Variants in FKBP8 observed in about 807,000 individuals in gnomAD.
The protein encoded by FKBP8 is peptidyl-prolyl cis-trans isomerase FKBP8.
A neutral mutation model predicts 41.7 loss-of-function variants in FKBP8; 5 were observed. The observed-to-expected ratio is 0.12, with a 90% CI of 0.06 to 0.25. The LOEUF (loss-of-function observed/expected upper bound fraction) is 0.25, where lower values mean the gene tolerates loss of function less well. FKBP8 is among the 10% of genes least tolerant of loss of function. The probability of loss-of-function intolerance (pLI) is 1.00; values close to 1 mark genes in which losing one functional copy is unlikely to be tolerated. For missense variants in FKBP8, 397 were observed against 563.0 expected (o/e 0.71, Z 2.98); for synonymous variants, 279 against 254.5 (o/e 1.10, Z -0.92).
rs543806511 is a variant in FKBP8 at position 18,541,963 on chromosome 19, G to A, written c.8C>T (p.Ser3Leu). The change falls in exon 2 of 9, where the codon TCG becomes TTG. Residue 3 changes from serine (S) to leucine (L), a missense_variant. By Grantham distance (145) the Ser-to-Leu change is moderately radical. This residue lies in a region of FKBP8 where 172 missense variants were observed against 196.2 expected (regional missense o/e 0.88). Transcript: ENST00000608443. MASCAEPSEPSAP... is the reference protein window; with the variant it reads MALCAEPSEPSAP... The stretch of plus-strand genomic sequence containing the variant: ...AGAGGGCTCAGAGGGTTCAGCACAC[G>A]ATGCCATGCTGCTGGGGGGACAGGA... 60 of 1,613,178 alleles carry A rather than the reference G, an allele frequency of 3.7e-5. No individual in the cohort carries two copies. The Admixed American group carries it at 5.2e-4, about 14-fold the overall frequency.
rs1976653971 is a variant in FKBP8 at position 18,539,568 on chromosome 19, C to T, written c.445G>A (p.Asp149Asn). 1 of 1,613,060 alleles carries T rather than the reference C, an allele frequency of 6.2e-7. No homozygotes were observed. The highest frequency in any genetic ancestry group is 1.7e-5 in the Admixed American group (1 of 60,004). ...GCCCGCACCTGGATGACGTCACAGT[C>T]ACCCAGAGTGAACACCAGCTCCGGC... ...EEPELVFTLG[D>N]CDVIQALDLS... Residue 149 changes from aspartate to asparagine, a missense_variant, in exon 3 of 9, where the codon GAC becomes AAC. Physicochemically the swap from Asp to Asn is conservative, Grantham distance 23. Transcript: ENST00000608443.
intron 1 of FKBP8, chr19:18,542,626 T>C: frequency 3.9e-6 from 1 of 253,534 alleles, no homozygotes; most frequent in Non-Finnish European, 7.9e-6. Context: ...AATCTAACAC[T>C]ATCCCCCACA....
chr19:18,533,381 C>T, intron 6 of FKBP8, 34 bp from the exon 7 acceptor site: 3 of 1,549,788 alleles, frequency 1.9e-6, no homozygotes, highest in Non-Finnish European at 2.6e-6. Flanking sequence ...CACTCTGGAC[C>T]CATACCTGGG....
intron 1 of FKBP8, 91 bp from the exon 2 acceptor site, chr19:18,542,086 C>T (rs1976716161): frequency 6.8e-7 from 1 of 1,473,814 alleles, no homozygotes; most frequent in African/African-American, 1.4e-5. Context: ...CGATCACTTT[C>T]TGTGTAACTC....
chr19:18,538,085 G>T lies in FKBP8; in HGVS notation c.772+131C>A. ...TGTAACAGGCCCTAGCTTAGGGGCA[G>T]TTGGGGATCTACCCATATTCTGGGC... On this transcript the variant is annotated intron_variant, in intron 5 of 8. Transcript: ENST00000608443. This position sits in a 1 kb window ranked among gnomAD's most constrained non-coding sequence, Gnocchi z 4.0. The T allele has an allele frequency of 9.8e-7, 1 of 1,022,336 alleles. No homozygotes were observed. The allele number at this position is 1,022,336 out of a possible 1,614,324, so 63.3% of individuals were successfully genotyped here. A position where few individuals can be genotyped will look rare whatever the true frequency, so the allele number is the denominator to read the frequency against.
intron 6 of FKBP8, chr19:18,536,248 G>A (rs2145187707): frequency 6.6e-6 from 1 of 152,290 alleles, no homozygotes; most frequent in African/African-American, 2.4e-5. Context: ...GGTCCTGAAA[G>A]CCCCACCTAG....
At chr19:18,542,946 C>G (rs1277451368) in intron 1 of FKBP8, 1 of 1,246,122 alleles carries the variant, frequency 8.0e-7, no homozygotes, top group Non-Finnish European at 1.0e-6. Flanking sequence ...GCCCCCACCC[C>G]CATAATTCCC....
rs548384782 is a variant in FKBP8, at chr19:18,536,414, A to G, written c.945+1187T>C. Among the ~76,000 whole-genome samples the G allele has an allele frequency of 7.9e-5, 12 of 152,102 alleles. No individual in the cohort carries two copies. The South Asian group carries it at 2.3e-3, about 29-fold the overall frequency. ...TGCTCTGCTGCCAAGGCTGGAGTGCAGTGGTGTGATCAAGGCTCACTGCAG... is the reference window on the plus strand; with the variant it reads ...TGCTCTGCTGCCAAGGCTGGAGTGCGGTGGTGTGATCAAGGCTCACTGCAG... On this transcript the variant is annotated intron_variant, in intron 6 of 8. Coordinates refer to ENST00000608443, the MANE Select transcript of FKBP8 (RefSeq NM_012181.5).
Position 18,537,875 on chromosome 19 carries a change from A to G in FKBP8, c.773-102T>C, listed in dbSNP as rs1214534965. On this transcript the variant is annotated intron_variant, in intron 5 of 8. Coordinates refer to ENST00000608443, the MANE Select transcript of FKBP8 (RefSeq NM_012181.5). The surrounding 1 kb of genome is among the most constrained non-coding windows in gnomAD (Gnocchi z 4.4). ...CTGCCTCTCTGGCCTCAGTTTCCCCAATTTTAACCCCGGACCAAGGGCCAC... is the reference window on the plus strand; with the variant it reads ...CTGCCTCTCTGGCCTCAGTTTCCCCGATTTTAACCCCGGACCAAGGGCCAC... 6 of 1,309,526 alleles carry G rather than the reference A, an allele frequency of 4.6e-6. No individual in the cohort carries two copies. Among genetic ancestry groups the G allele is most frequent in the Admixed American group, 4.5e-5 (2 of 44,442 alleles). The allele number at this position is 1,309,526 out of a possible 1,614,324, so 81.1% of individuals were successfully genotyped here. A position where few individuals can be genotyped will look rare whatever the true frequency, so the allele number is the denominator to read the frequency against.
intron 2 of FKBP8, among the ~76,000 whole-genome samples, chr19:18,539,976 G>C (rs1285397506): frequency 6.6e-6 from 1 of 152,098 alleles, no homozygotes; most frequent in Non-Finnish European, 1.5e-5. Flanking sequence ...GTGAACAATG[G>C]TTGGTCTGGT....
intron 7 of FKBP8, 157 bp from the exon 8 acceptor site, chr19:18,532,952 A>T (rs1976483280): frequency 8.1e-7 from 1 of 1,239,766 alleles, no homozygotes; most frequent in African/African-American, 1.5e-5. Flanking sequence ...AGGGCTGCTG[A>T]CCCCATCCCT....
Position 18,538,481 on chromosome 19 carries a change from C to A in FKBP8, c.552-45G>T, listed in dbSNP as rs368729504. On this transcript the variant is annotated intron_variant, in intron 4 of 8. Transcript: ENST00000608443. The surrounding 1 kb of genome is among the most constrained non-coding windows in gnomAD (Gnocchi z 4.0). The stretch of plus-strand genomic sequence containing the variant: ...CAGGGGCAGCACTCAGACCTGGTGA[C>A]CCCTAAACCCGCTGGGCTGGCTAGG... 1,753 of 1,532,564 alleles carry A rather than the reference C, an allele frequency of 1.1e-3. 1 individual carries two copies. The highest frequency in any genetic ancestry group is 1.4e-3 in the Non-Finnish European group (1,595 of 1,126,982). The allele number at this position is 1,532,564 out of a possible 1,614,324, so 94.9% of individuals were successfully genotyped here. A position where few individuals can be genotyped will look rare whatever the true frequency, so the allele number is the denominator to read the frequency against.
rs945181006 is a variant in FKBP8 at position 18,539,379 on chromosome 19, G to C, written c.543C>G (p.Pro181=). 6.2e-7 allele frequency: 1 copy of C among 1,612,664 alleles called. No individual in the cohort carries two copies. Among genetic ancestry groups the C allele is most frequent in the Non-Finnish European group, 8.5e-7 (1 of 1,179,734 alleles). ...VTADSKYCYG[P]QGSRSPYIPP... is the part of the protein sequence containing the mutation. ...GGGTGGCTGACTCTCACCTGCCTTG[G>C]GGGCCGTAGCAGTACTTGGAGTCAG... Residue 181 remains proline (P), a synonymous_variant, in exon 4 of 9, where the codon CCC becomes CCG. Transcript: ENST00000608443.
intron 6 of FKBP8, among the ~76,000 whole-genome samples, chr19:18,533,963 C>T (rs1179917334): frequency 2.2e-5 from 3 of 136,508 alleles, no homozygotes; most frequent in African/African-American, 8.4e-5. Flanking sequence ...GAGCCGAGAT[C>T]GTGCCACTGC....
In FKBP8 at chr19:18,538,528, C is replaced by G. The variant is rs1294120881; in HGVS notation, c.552-92G>C. On this transcript the variant is annotated intron_variant, in intron 4 of 8. Coordinates refer to ENST00000608443, the MANE Select transcript of FKBP8 (RefSeq NM_012181.5). The surrounding 1 kb of genome is among the most constrained non-coding windows in gnomAD (Gnocchi z 4.0). ...TAGGAAGGAGTGAGCTTGGCTCAAG[C>G]CCCCGATCTGTCTCCCCTCTGCCCT... 9.4e-7 allele frequency: 1 copy of G among 1,061,598 alleles called. No homozygotes were observed. The highest frequency in any genetic ancestry group is 2.4e-5 in the Admixed American group (1 of 42,506). The allele number at this position is 1,061,598 out of a possible 1,614,324, so 65.8% of individuals were successfully genotyped here. A position where few individuals can be genotyped will look rare whatever the true frequency, so the allele number is the denominator to read the frequency against.
At chr19:18,541,570 ACGGT>A (rs1392312148) in intron 2 of FKBP8, 105 bp downstream of exon 2, 1 of 1,473,448 alleles carries the variant, frequency 6.8e-7, no homozygotes, top group Non-Finnish European at 9.1e-7. Flanking sequence ...GCTGGTGATC[ACGGT>A]GGTGACCACG....
intron 8 of FKBP8, 181 bp downstream of exon 8, chr19:18,532,483 G>A (rs1783238741): frequency 9.7e-6 from 10 of 1,033,094 alleles, no homozygotes; most frequent in Non-Finnish European, 1.4e-5. Flanking sequence ...TCCACCCCCA[G>A]CCCTCCAGCT....
At chr19:18,536,613 C>T (rs544411310) in intron 6 of FKBP8, among the ~76,000 whole-genome samples, 26 of 152,310 alleles carry the variant, frequency 1.7e-4, no homozygotes, top group African/African-American at 5.8e-4. Flanking sequence ...CCTTGGCCTC[C>T]TGTAATCCCA....
At chr19:18,540,619 C>A (rs1976676113) in intron 2 of FKBP8, among the ~76,000 whole-genome samples, 1 of 152,084 alleles carries the variant, frequency 6.6e-6, no homozygotes, top group Admixed American at 6.6e-5. Context: ...CACCTGTAAT[C>A]TCAGCACTTT....
Sources: allele counts gnomAD v4.1 joint callset (sites outside exome capture counted in the v4.1 genomes callset), GRCh38; gene constraint gnomAD v4.1.1; regional missense constraint gnomAD v4.1.1; non-coding constraint Gnocchi (gnomAD v3.1); transcripts MANE v1.5; gene names NCBI Gene and HGNC (gene_info 2026-07-23, HGNC 2026-07-21).